Variants in RNF17 observed in about 807,000 individuals in gnomAD.
RNF17 encodes ring finger protein 17, also known as spermatogenesis associated 23.
A neutral mutation model predicts 200.5 loss-of-function variants in RNF17; 31 were observed. That is an observed-to-expected ratio of 0.15 (90% CI 0.12 to 0.21). The LOEUF (loss-of-function observed/expected upper bound fraction) is 0.21. Ranked by LOEUF, RNF17 falls within the 10% of genes least tolerant of loss-of-function variation. The probability of loss-of-function intolerance (pLI) is 1.00; values close to 1 mark genes in which losing one functional copy is unlikely to be tolerated. For missense variants in RNF17, 1,628 were observed against 1,905.1 expected, an observed-to-expected ratio of 0.85 and a Z score of 2.71; for synonymous variants, 606 against 637.8, an observed-to-expected ratio of 0.95 and a Z score of 0.75.
intron 20 of RNF17, 121 bp from the exon 21 acceptor site, chr13:24,844,531 G>C: frequency 2.6e-6 from 2 of 764,368 alleles, no homozygotes; most frequent in Non-Finnish European, 4.3e-6. Context: ...GTACATTCAA[G>C]GAAGAACAAG....
Position 24,874,262 on chromosome 13 carries a change from T to A in RNF17, c.4583+13T>A. ...TGACATTAAACAGGTTAAAAATAAA[T>A]GTCGGGGTGTTGAATTAGATTTCTT... On this transcript the variant is annotated intron_variant, in intron 33 of 35. Coordinates refer to ENST00000255324, the MANE Select transcript of RNF17 (RefSeq NM_031277.3). 1 of 1,556,574 alleles carries A rather than the reference T, an allele frequency of 6.4e-7. No homozygotes were observed. Among genetic ancestry groups the A allele is most frequent in the Non-Finnish European group, 8.6e-7 (1 of 1,158,524 alleles).
At chr13:24,748,807 C>G in the RNF17 span, among the ~76,000 whole-genome samples, 1 of 151,364 alleles carries the variant, frequency 6.6e-6, no homozygotes, top group African/African-American at 2.4e-5. Flanking sequence ...GTGCAACGAA[C>G]GGCGTGATCT....
intron 15 of RNF17, chr13:24,824,228 T>G: frequency 1.4e-6 from 1 of 713,760 alleles, no homozygotes; most frequent in Non-Finnish European, 2.6e-6. Context: ...TTGAGACACT[T>G]TCTCATTTTT....
At position 24,845,357 on chromosome 13, in the gene RNF17, A is replaced by T. The variant is rs78668766; in HGVS notation, c.3101+278A>T. ...CAGAAATAAATTGTGTAAGTTTAGA[A>T]TTGCATAGAAAGCTAAAAATATGTA... On this transcript the variant is annotated intron_variant, in intron 22 of 35. Transcript: ENST00000255324. Among the ~76,000 whole-genome samples the T allele has an allele frequency of 5.3e-3, 808 of 152,342 alleles. 22 individuals carry two copies. In the East Asian group the frequency reaches 0.081, roughly 15 times the overall value.
the RNF17 span, chr13:24,885,749 T>C: frequency 8.9e-6 from 9 of 1,005,868 alleles, no homozygotes; most frequent in Non-Finnish European, 1.3e-5. Flanking sequence ...ATTTCCTTAG[T>C]TCATATCCTG....
chr13:24,861,496 GTAA>G (rs1318421805), intron 27 of RNF17, 109 bp downstream of exon 27: 23 of 719,988 alleles, frequency 3.2e-5, no homozygotes, highest in Non-Finnish European at 4.7e-5. Flanking sequence ...CAACAAAAAA[GTAA>G]TAAAACACCA....
intron 2 of RNF17, among the ~76,000 whole-genome samples, chr13:24,770,717 A>G (rs1880537916): frequency 6.6e-6 from 1 of 152,240 alleles, no homozygotes. Context: ...TGTATATTTC[A>G]CAAAAATGGG....
At chr13:24,881,114 A>T (rs1010306050), downstream of RNF17, among the ~76,000 whole-genome samples, 2 of 151,856 alleles carry the variant, frequency 1.3e-5, no homozygotes, top group Non-Finnish European at 2.9e-5. Flanking sequence ...CCTGTTTTGT[A>T]ATATCATCAT....
At chr13:24,792,472 T>C (rs966900599) in intron 9 of RNF17, among the ~76,000 whole-genome samples, 29 of 152,112 alleles carry the variant, frequency 1.9e-4, no homozygotes, top group African/African-American at 7.0e-4. Context: ...AGTGGTGTTG[T>C]ATAAGTCAAA....
intron 18 of RNF17, among the ~76,000 whole-genome samples, chr13:24,840,352 G>A (rs1265699185): frequency 6.6e-6 from 1 of 152,156 alleles, no homozygotes; most frequent in Admixed American, 6.6e-5. Context: ...ACTACCATTT[G>A]ATCCAGCCTT....
At chr13:24,766,421 T>C (rs889504784) in intron 1 of RNF17, among the ~76,000 whole-genome samples, 1 of 152,254 alleles carries the variant, frequency 6.6e-6, no homozygotes, top group Non-Finnish European at 1.5e-5. Flanking sequence ...GAGCATTTAA[T>C]CATGATGTTA....
intron 23 of RNF17, among the ~76,000 whole-genome samples, 177 bp downstream of exon 23, chr13:24,850,620 C>A (rs998713734): frequency 8.6e-5 from 13 of 152,024 alleles, no homozygotes; most frequent in Admixed American, 1.3e-4. Flanking sequence ...CAAAAATATT[C>A]TTTGCTTTCT....
At chr13:24,834,216 G>A (rs2138051547) in intron 18 of RNF17, among the ~76,000 whole-genome samples, 1 of 152,028 alleles carries the variant, frequency 6.6e-6, no homozygotes, top group Middle Eastern at 3.4e-3. Context: ...AGACCAGCCT[G>A]GCCAACATGG....
chr13:24,885,974 A>C, the RNF17 span: 1 of 424,654 alleles, frequency 2.4e-6, no homozygotes, highest in Non-Finnish European at 4.4e-6. Flanking sequence ...GTGCAGATAA[A>C]AGAGGCATCT....
intron 32 of RNF17, among the ~76,000 whole-genome samples, chr13:24,871,615 T>C (rs1894257941): frequency 6.9e-6 from 1 of 145,606 alleles, no homozygotes. Flanking sequence ...CTTATAGGCA[T>C]GAGCCAACTT....
chr13:24,877,311 A>G, intron 34 of RNF17, 125 bp downstream of exon 34: 1 of 690,048 alleles, frequency 1.4e-6, no homozygotes. Flanking sequence ...TATATAGGAT[A>G]TAGTTTATAT....
downstream of RNF17, among the ~76,000 whole-genome samples, chr13:24,881,719 ATATC>A (rs1424156286): frequency 1.3e-5 from 2 of 148,156 alleles, no homozygotes; most frequent in Admixed American, 6.7e-5. Context: ...GTATACAGAT[ATATC>A]TATCTAGATT....
rs1317303148 is a variant in RNF17 at position 24,874,158 on chromosome 13, G to A, written c.4492G>A (p.Ala1498Thr). 6 of 1,612,140 alleles carry A rather than the reference G, an allele frequency of 3.7e-6. No individual in the cohort carries two copies. The Admixed American group carries it at 1.0e-4, about 27-fold the overall frequency. Residue 1498 changes from alanine (A) to threonine (T), a missense_variant, in exon 33 of 36, where the codon GCG becomes ACG. This residue lies in a region of RNF17 where 609 missense variants were observed against 681.9 expected (regional missense o/e 0.89). Transcript: ENST00000255324. ...ATATGATGATGGCTTATGGTATAGAGCGAAGATTGTTGCCATTAAAGAATT... is the reference window on the plus strand; with the variant it reads ...ATATGATGATGGCTTATGGTATAGAACGAAGATTGTTGCCATTAAAGAATT... ...AEYDDGLWYR[A>T]KIVAIKEFNP...
intron 29 of RNF17, among the ~76,000 whole-genome samples, chr13:24,865,510 T>C (rs779406993): frequency 2.6e-5 from 4 of 152,188 alleles, no homozygotes; most frequent in Non-Finnish European, 5.9e-5. Flanking sequence ...TTACAAGATA[T>C]GGTTTCACAT....
Sources: gnomAD v4.1 joint callset for allele counts (sites outside exome capture counted in the v4.1 genomes callset) on GRCh38, gnomAD v4.1.1 for gene constraint, gnomAD v4.1.1 regional missense constraint, MANE v1.5 for transcripts, NCBI Gene and HGNC (gene_info 2026-07-23, HGNC 2026-07-21) for gene names.